The following RSPH1 variants were observed in gnomAD, a reference collection of about 807,000 sequenced individuals.
RSPH1 encodes the protein radial spoke head component 1, also known as radial spoke head 1 homolog.
RSPH1 carries 32 observed loss-of-function variants against 44.2 expected under a neutral mutation model. That is an observed-to-expected ratio of 0.72 (90% CI 0.55 to 0.97). The LOEUF (loss-of-function observed/expected upper bound fraction) is 0.97. RSPH1 is among the 50% of genes least tolerant of loss of function. The pLI, the probability that RSPH1 is intolerant of heterozygous loss-of-function variation, is 0.00. For synonymous variants in RSPH1, 134 were observed against 147.3 expected, an observed-to-expected ratio of 0.91 and a Z score of 0.65; for missense variants, 391 against 398.7, an observed-to-expected ratio of 0.98 and a Z score of 0.16.
At chr21:42,494,410 T>C (rs548783561) in intron 1 of RSPH1, among the ~76,000 whole-genome samples, 1 of 152,322 alleles carries the variant, frequency 6.6e-6, no homozygotes, top group South Asian at 2.1e-4. Flanking sequence ...CTGCCTAGAA[T>C]ATAAGGTAAA....
At chr21:42,488,352 G>A (rs567160171) in intron 3 of RSPH1, among the ~76,000 whole-genome samples, 2 of 152,228 alleles carry the variant, frequency 1.3e-5, no homozygotes, top group African/African-American at 2.4e-5. Flanking sequence ...TACTCACACC[G>A]CGGCCAATTT....
At chr21:42,479,870 C>T (rs1238383096) in intron 6 of RSPH1, among the ~76,000 whole-genome samples, 1 of 152,130 alleles carries the variant, frequency 6.6e-6, no homozygotes, top group African/African-American at 2.4e-5. Context: ...GAGCACCCTG[C>T]GGTCCATGAA....
intron 3 of RSPH1, among the ~76,000 whole-genome samples, chr21:42,491,616 G>A (rs928121621): frequency 5.9e-5 from 9 of 152,190 alleles, no homozygotes. Context: ...TATAGAGCAA[G>A]CCTTCTGGGA....
At chr21:42,490,138 C>T (rs1159363926) in intron 3 of RSPH1, among the ~76,000 whole-genome samples, 1 of 151,954 alleles carries the variant, frequency 6.6e-6, no homozygotes, top group Non-Finnish European at 1.5e-5. Flanking sequence ...TCTCATCCCC[C>T]ACTACCCCTA....
chr21:42,485,779 C>T lies in RSPH1; in HGVS notation c.391G>A (p.Ala131Thr), dbSNP rs781199496. ...QRHGQGTYLY[A>T]ETGSKYVGTW... Reference sequence around the variant, plus strand: ...CCAACATACTTACTGCCCGTCTCCGCGTATAAATAGGTGCCTTGCCCATGC... The same window carrying T: ...CCAACATACTTACTGCCCGTCTCCGTGTATAAATAGGTGCCTTGCCCATGC... The change falls in exon 5 of 9, where the codon GCG becomes ACG. Residue 131 changes from alanine (A) to threonine (T), a missense_variant. Transcript: ENST00000291536. 31 of 1,614,062 alleles carry T rather than the reference C, an allele frequency of 1.9e-5. No homozygotes were observed. The highest frequency in any genetic ancestry group is 9.9e-5 in the South Asian group (9 of 91,088).
intron 3 of RSPH1, among the ~76,000 whole-genome samples, chr21:42,490,311 G>A (rs2054224310): frequency 6.6e-6 from 1 of 152,304 alleles, no homozygotes; most frequent in South Asian, 2.1e-4. Flanking sequence ...ATGCCACAGG[G>A]TCCTGACGTT....
intron 8 of RSPH1, 88 bp downstream of exon 8, chr21:42,475,810 G>A: frequency 6.8e-7 from 1 of 1,469,096 alleles, no homozygotes; most frequent in South Asian, 1.2e-5. Flanking sequence ...CCAGCTGAAG[G>A]CAGGCCTTGG....
At chr21:42,490,881 G>GT (rs2054229344) in intron 3 of RSPH1, among the ~76,000 whole-genome samples, 4 of 152,164 alleles carry the variant, frequency 2.6e-5, no homozygotes, top group African/African-American at 9.7e-5. Flanking sequence ...GAAGAAGGAA[G>GT]GGGCCAGAGA....
chr21:42,485,828 G>T, intron 4 of RSPH1, 24 bp from the exon 5 acceptor site: 1 of 1,613,944 alleles, frequency 6.2e-7, no homozygotes, highest in South Asian at 1.1e-5. Flanking sequence ...GGGGAACATG[G>T]TATTTCGTTC....
intron 3 of RSPH1, 53 bp downstream of exon 3, chr21:42,492,704 TA>T: frequency 9.6e-7 from 1 of 1,044,260 alleles, no homozygotes; most frequent in Non-Finnish European, 1.5e-6. Context: ...AGTTCAGTCA[TA>T]AAGAAAGAAA....
In RSPH1 at chr21:42,492,881, T is replaced by C. The variant is rs1365380498; in HGVS notation, c.169-18A>G. The C allele has an allele frequency of 6.4e-7, 1 of 1,573,038 alleles. No homozygotes were observed. The highest frequency in any genetic ancestry group is 1.7e-5 in the Admixed American group (1 of 59,870). On this transcript the variant is annotated intron_variant, in intron 2 of 8. Coordinates refer to ENST00000291536, the MANE Select transcript of RSPH1 (RefSeq NM_080860.4). Reference sequence around the variant, plus strand: ...TAGATCCCCTGAAACACATTGATTATATCATTCATATCATTGCTGAATGTA... The same window carrying C: ...TAGATCCCCTGAAACACATTGATTACATCATTCATATCATTGCTGAATGTA...
At chr21:42,487,870 T>G (rs1399740571) in intron 3 of RSPH1, among the ~76,000 whole-genome samples, 1 of 152,198 alleles carries the variant, frequency 6.6e-6, no homozygotes, top group African/African-American at 2.4e-5. Flanking sequence ...ATCATCCCAT[T>G]ATTTACTCAG....
At position 42,496,211 on chromosome 21, in the gene RSPH1, G is replaced by T. The variant is rs1465999667; in HGVS notation, c.-25C>A. Reference sequence around the variant, plus strand: ...TGGTCTCGCCCCAGCCTGGATCACAGCCGCAGCGCCTCTAGCAGGTGGGTA... The same window carrying T: ...TGGTCTCGCCCCAGCCTGGATCACATCCGCAGCGCCTCTAGCAGGTGGGTA... On this transcript the variant is annotated 5_prime_UTR_variant, in exon 1 of 9. It adds an upstream start codon to the 5' untranslated region. Transcript: ENST00000291536. 1.2e-6 allele frequency: 2 copies of T among 1,613,716 alleles called. No individual in the cohort carries two copies. The highest frequency in any genetic ancestry group is 1.7e-6 in the Non-Finnish European group (2 of 1,179,782).
At chr21:42,484,425 T>C (rs1470554419) in intron 5 of RSPH1, among the ~76,000 whole-genome samples, 1 of 152,216 alleles carries the variant, frequency 6.6e-6, no homozygotes, top group African/African-American at 2.4e-5. Flanking sequence ...TATGTATCTT[T>C]ATGTATATTT....
chr21:42,480,369 C>T (rs1413493936), intron 6 of RSPH1, among the ~76,000 whole-genome samples: 1 of 152,114 alleles, frequency 6.6e-6, no homozygotes, highest in East Asian at 1.9e-4. Flanking sequence ...GGGCTGGGCG[C>T]AGTGGCTTAC....
chr21:42,495,612 C>T (rs1022182709), intron 1 of RSPH1, among the ~76,000 whole-genome samples: 2 of 152,210 alleles, frequency 1.3e-5, no homozygotes, highest in African/African-American at 4.8e-5. Flanking sequence ...GAAGAAAGCA[C>T]ATGTGAGGAT....
intron 8 of RSPH1, among the ~76,000 whole-genome samples, chr21:42,475,606 G>T (rs1419030604): frequency 6.8e-6 from 1 of 147,928 alleles, no homozygotes; most frequent in Non-Finnish European, 1.5e-5. Flanking sequence ...AGAAAGCCAG[G>T]CTCTGCATGT....
chr21:42,491,344 C>G (rs2054234271), intron 3 of RSPH1, among the ~76,000 whole-genome samples: 1 of 152,148 alleles, frequency 6.6e-6, no homozygotes, highest in Admixed American at 6.5e-5. Context: ...TCACAGAAGA[C>G]TGGAGAAGTA....
intron 5 of RSPH1, 40 bp from the exon 6 acceptor site, chr21:42,482,748 A>G: frequency 6.8e-7 from 1 of 1,464,744 alleles, no homozygotes; most frequent in Non-Finnish European, 9.5e-7. Context: ...GTCAACACCC[A>G]GCAGAAAATA....
Sources: gnomAD v4.1 joint callset for allele counts (sites outside exome capture counted in the v4.1 genomes callset) on GRCh38, gnomAD v4.1.1 for gene constraint, MANE v1.5 for transcripts, NCBI Gene and HGNC (gene_info 2026-07-23, HGNC 2026-07-21) for gene names.